Variants in MSI2 observed in about 807,000 individuals in gnomAD.
MSI2 encodes musashi RNA binding protein 2.
MSI2 carries 17 observed loss-of-function variants against 45.6 expected under a neutral mutation model. That is an observed-to-expected ratio of 0.37 (90% CI 0.26 to 0.56). The LOEUF (loss-of-function observed/expected upper bound fraction) is 0.56, where lower values mean the gene tolerates loss of function less well. Ranked by LOEUF, MSI2 falls within the 20% of genes least tolerant of loss-of-function variation. The pLI is 0.77. For missense variants in MSI2, 293 were observed against 444.2 expected, an observed-to-expected ratio of 0.66 and a Z score of 3.06; for synonymous variants, 156 against 158.2, an observed-to-expected ratio of 0.99 and a Z score of 0.11.
At position 57,411,861 on chromosome 17, in the gene MSI2, G is replaced by T. The variant is rs112938701; in HGVS notation, c.405+10390G>T. On this transcript the variant is annotated intron_variant, in intron 6 of 13. Transcript: ENST00000284073. ...GTCTCTACTAAAAATACAAAAATTA[G>T]CAGGGTGTGGTGGCGGGCGCTTGTA... Among the ~76,000 whole-genome samples, 293 of 152,052 alleles carry T rather than the reference G, an allele frequency of 1.9e-3. 2 individuals are homozygous for T. The highest frequency in any genetic ancestry group is 6.8e-3 in the Middle Eastern group (2 of 294).
At chr17:57,375,323 G>A (rs11079291) in intron 5 of MSI2, among the ~76,000 whole-genome samples, 73,160 of 152,084 alleles carry the variant, frequency 0.48, 20,434 homozygotes, top group South Asian at 0.67. Context: ...CACTTCCCCC[G>A]TGGCTGTTTG....
chr17:57,638,291 A>G (rs569644718), intron 10 of MSI2, among the ~76,000 whole-genome samples: 1 of 152,322 alleles, frequency 6.6e-6, no homozygotes, highest in South Asian at 2.1e-4. Context: ...CAGCTGGGTC[A>G]CTGCCTCTGC....
At chr17:57,462,817 T>C (rs932870400) in intron 6 of MSI2, among the ~76,000 whole-genome samples, 3 of 152,130 alleles carry the variant, frequency 2.0e-5, no homozygotes, top group Non-Finnish European at 2.9e-5. Context: ...ATAGCCAGAG[T>C]TCCTTCCTTC....
chr17:57,358,596 G>T (rs1004072142), intron 5 of MSI2, among the ~76,000 whole-genome samples: 1 of 152,144 alleles, frequency 6.6e-6, no homozygotes, highest in Non-Finnish European at 1.5e-5. Context: ...TTTGGAGGGG[G>T]CCTTGGAGGT....
At chr17:57,386,915 G>T (rs2144056797) in intron 5 of MSI2, among the ~76,000 whole-genome samples, 1 of 152,352 alleles carries the variant, frequency 6.6e-6, no homozygotes, top group African/African-American at 2.4e-5. Context: ...ACCAGATTTT[G>T]TTAAGTGCTT....
intron 6 of MSI2, among the ~76,000 whole-genome samples, chr17:57,428,973 T>C (rs903835812): frequency 1.3e-5 from 2 of 152,190 alleles, no homozygotes; most frequent in African/African-American, 4.8e-5. Flanking sequence ...GGGCTAGGCA[T>C]TGGGACTCCA....
intron 11 of MSI2, among the ~76,000 whole-genome samples, chr17:57,666,809 G>A (rs1567967758): frequency 6.6e-6 from 1 of 151,758 alleles, no homozygotes; most frequent in African/African-American, 2.4e-5. Context: ...AACATGAGAG[G>A]GTGGCTGGCG....
intron 6 of MSI2, among the ~76,000 whole-genome samples, chr17:57,504,487 T>A (rs1217666879): frequency 1.3e-5 from 2 of 152,160 alleles, no homozygotes; most frequent in Non-Finnish European, 2.9e-5. Flanking sequence ...CATGAGTGCT[T>A]GGATATTTCC....
intron 10 of MSI2, among the ~76,000 whole-genome samples, chr17:57,639,497 G>C (rs1392151106): frequency 6.6e-6 from 1 of 152,248 alleles, no homozygotes; most frequent in Non-Finnish European, 1.5e-5. Context: ...CGGGGATGCT[G>C]ACCCCACCTG....
chr17:57,385,905 A>G (rs144263205), intron 5 of MSI2, among the ~76,000 whole-genome samples: 52 of 152,222 alleles, frequency 3.4e-4, no homozygotes, highest in Non-Finnish European at 6.2e-4. Context: ...TGTCTGGGAG[A>G]TCTTCAAGGG....
At position 57,683,078 on chromosome 17, in the gene MSI2, A is replaced by C. The variant is rs1486835535; in HGVS notation, c.*3561A>C. 1 of 229,916 alleles carries C rather than the reference A, an allele frequency of 4.3e-6. No homozygotes were observed. Among genetic ancestry groups the C allele is most frequent in the African/African-American group, 2.2e-5 (1 of 45,158 alleles). 14.2% of individuals were successfully genotyped at this position (229,916 alleles called of 1,614,324 possible). On this transcript the variant is annotated 3_prime_UTR_variant, in exon 14 of 14. Transcript: ENST00000284073. This position sits in a 1 kb window ranked among gnomAD's most constrained non-coding sequence, Gnocchi z 5.2. ...ATTAGCTTGATTCAAACAAAGCCCC[A>C]GCAGGCCTTTGCGTTTTTATCCTTC...
intron 7 of MSI2, among the ~76,000 whole-genome samples, chr17:57,559,408 A>G (rs2087519612): frequency 6.6e-6 from 1 of 152,208 alleles, no homozygotes; most frequent in Non-Finnish European, 1.5e-5. Context: ...ACTCCTTTCC[A>G]GACCAGCTGC....
At chr17:57,461,543 T>C (rs1391856113) in intron 6 of MSI2, among the ~76,000 whole-genome samples, 1 of 151,314 alleles carries the variant, frequency 6.6e-6, no homozygotes, top group Non-Finnish European at 1.5e-5. Context: ...ATTTTTTTTT[T>C]TTTTTTTTGA....
chr17:57,399,692 A>G (rs534081449), intron 5 of MSI2, among the ~76,000 whole-genome samples: 63 of 152,358 alleles, frequency 4.1e-4, no homozygotes, highest in African/African-American at 1.4e-3. Context: ...GGAGTCTGCA[A>G]GCCTCTCTGC....
chr17:57,696,577 A>C, the MSI2 span, among the ~76,000 whole-genome samples: 1 of 152,064 alleles, frequency 6.6e-6, no homozygotes, highest in African/African-American at 2.4e-5. Flanking sequence ...TCTACAAAAA[A>C]ATTAAAAATT....
intron 11 of MSI2, among the ~76,000 whole-genome samples, chr17:57,655,331 C>T (rs1401207232): frequency 6.6e-6 from 1 of 152,212 alleles, no homozygotes; most frequent in Non-Finnish European, 1.5e-5. Context: ...GTTCCAGTGG[C>T]CCCATCATGT....
chr17:57,668,326 T>G (rs62058157), intron 11 of MSI2, among the ~76,000 whole-genome samples: 34,580 of 151,998 alleles, frequency 0.23, 4,706 homozygotes, highest in East Asian at 0.4. Flanking sequence ...TAGAACTGGC[T>G]AATAGTGATA....
chr17:57,399,031 G>A (rs969786893), intron 5 of MSI2, among the ~76,000 whole-genome samples: 6 of 152,228 alleles, frequency 3.9e-5, no homozygotes, highest in African/African-American at 1.4e-4. Flanking sequence ...GGTGATTCAT[G>A]AGTGTAGGGA....
chr17:57,335,602 G>A (rs532280034), intron 5 of MSI2, among the ~76,000 whole-genome samples: 6 of 152,344 alleles, frequency 3.9e-5, no homozygotes, highest in African/African-American at 1.2e-4. Context: ...TGTGCCAGGC[G>A]CTGTTGTAGG....
Sources: gnomAD v4.1 joint callset for allele counts (sites outside exome capture counted in the v4.1 genomes callset) on GRCh38, gnomAD v4.1.1 for gene constraint, Gnocchi (gnomAD v3.1) non-coding constraint, MANE v1.5 for transcripts, NCBI Gene and HGNC (gene_info 2026-07-23, HGNC 2026-07-21) for gene names.